The following EPHA6 variants were observed in gnomAD, a reference collection of about 807,000 sequenced individuals.
EPHA6 encodes ephrin type-A receptor 6.
Under a neutral mutation model 112.0 loss-of-function variants are expected in EPHA6, and 50 were observed. The ratio of observed to expected loss-of-function variants is 0.45; its 90% CI spans 0.36 to 0.56. The LOEUF is 0.56. Ranked by LOEUF, EPHA6 falls within the 20% of genes least tolerant of loss-of-function variation. The pLI, the probability that EPHA6 is intolerant of heterozygous loss-of-function variation, is 0.00. For missense variants in EPHA6, 1,280 were observed against 1,417.4 expected (o/e 0.90, Z 1.56); for synonymous variants, 529 against 490.7 (o/e 1.08, Z -1.03).
chr3:97,659,940 T>A (rs1183360466), intron 14 of EPHA6, among the ~76,000 whole-genome samples: 1 of 151,948 alleles, frequency 6.6e-6, no homozygotes, highest in Non-Finnish European at 1.5e-5. Flanking sequence ...CAGAAAGATA[T>A]AAGGCATTTT....
At chr3:97,190,226 A>C (rs571842200) in intron 3 of EPHA6, among the ~76,000 whole-genome samples, 1 of 152,108 alleles carries the variant, frequency 6.6e-6, no homozygotes, top group Non-Finnish European at 1.5e-5. Context: ...CACTGTTACC[A>C]CTTCAAAATT....
At chr3:97,695,954 A>G (rs1311728053) in intron 14 of EPHA6, among the ~76,000 whole-genome samples, 2 of 152,200 alleles carry the variant, frequency 1.3e-5, no homozygotes, top group East Asian at 3.8e-4. Context: ...TAAACTGATC[A>G]CTTTTCTTAT....
intron 5 of EPHA6, among the ~76,000 whole-genome samples, chr3:97,364,431 C>G (rs1577103074): frequency 6.7e-6 from 1 of 150,074 alleles, no homozygotes; most frequent in African/African-American, 2.5e-5. Flanking sequence ...GAAAGCAGGG[C>G]AAATTTGAGG....
Position 97,349,806 on chromosome 3 carries a change from G to A in EPHA6, c.1607-55344G>A, listed in dbSNP as rs564936772. Among the ~76,000 whole-genome samples, 128 of 152,064 alleles carry A rather than the reference G, an allele frequency of 8.4e-4. 1 individual carries two copies. The highest frequency in any genetic ancestry group is 2.1e-3 in the South Asian group (10 of 4,828). On this transcript the variant is annotated intron_variant, in intron 5 of 17. Transcript: ENST00000389672. ...GGAGTTTCTGATCATAGCATCATACGTATTAATCTTGGCCCCTCACAACTC... is the reference window on the plus strand; with the variant it reads ...GGAGTTTCTGATCATAGCATCATACATATTAATCTTGGCCCCTCACAACTC...
chr3:97,216,170 C>T (rs1046721226), intron 3 of EPHA6, among the ~76,000 whole-genome samples: 4 of 152,164 alleles, frequency 2.6e-5, no homozygotes, highest in South Asian at 2.1e-4. Context: ...GCATCTGCTT[C>T]TGGTGAGGGG....
chr3:97,392,576 T>C (rs2086472569), intron 5 of EPHA6, among the ~76,000 whole-genome samples: 1 of 151,810 alleles, frequency 6.6e-6, no homozygotes, highest in Non-Finnish European at 1.5e-5. Context: ...TGTATGCCTA[T>C]ATATACATAC....
rs2076020939 is a variant in EPHA6 at position 97,145,493 on chromosome 3, T to C, written c.1115-80771T>C. Among the ~76,000 whole-genome samples the C allele has an allele frequency of 3.3e-5, 5 of 151,496 alleles. No individual in the cohort carries two copies. The South Asian group carries it at 1.0e-3, about 31-fold the overall frequency. The stretch of plus-strand genomic sequence containing the variant: ...TTTATTTCTCTTGATTTTCCTAGTT[T>C]AAATTTTAAAATACCTTATTTACCT... On this transcript the variant is annotated intron_variant, in intron 3 of 17. Coordinates refer to ENST00000389672, the MANE Select transcript of EPHA6 (RefSeq NM_001080448.3).
chr3:96,936,586 G>A (rs1332667360), intron 2 of EPHA6, among the ~76,000 whole-genome samples: 1 of 150,568 alleles, frequency 6.6e-6, no homozygotes, highest in Non-Finnish European at 1.5e-5. Context: ...TTTTTTTGTT[G>A]ATGTTCTTTT....
intron 14 of EPHA6, among the ~76,000 whole-genome samples, chr3:97,714,233 T>G (rs1378652822): frequency 6.6e-6 from 1 of 152,132 alleles, no homozygotes; most frequent in Non-Finnish European, 1.5e-5. Flanking sequence ...CAGATAACAT[T>G]TACTGAGTGT....
chr3:97,004,012 T>C (rs1049570163), intron 3 of EPHA6, among the ~76,000 whole-genome samples: 1 of 152,132 alleles, frequency 6.6e-6, no homozygotes, highest in Admixed American at 6.6e-5. Context: ...ATGGTGTATA[T>C]AGATACCACG....
chr3:96,849,314 T>G (rs989985956), intron 1 of EPHA6, among the ~76,000 whole-genome samples: 8 of 152,146 alleles, frequency 5.3e-5, no homozygotes, highest in Admixed American at 2.0e-4. Context: ...TCATTAACAC[T>G]GTGGGAGTTT....
intron 12 of EPHA6, among the ~76,000 whole-genome samples, chr3:97,601,996 A>G (rs528234714): frequency 6.6e-6 from 1 of 152,162 alleles, no homozygotes; most frequent in South Asian, 2.1e-4. Flanking sequence ...CCACTGGAAA[A>G]TATGATGCTT....
chr3:97,596,553 T>C (rs1379987593), intron 12 of EPHA6, among the ~76,000 whole-genome samples: 4 of 152,066 alleles, frequency 2.6e-5, no homozygotes, highest in South Asian at 4.1e-4. Flanking sequence ...TCTGACATCA[T>C]ATGGTATCTT....
intron 3 of EPHA6, among the ~76,000 whole-genome samples, chr3:97,179,019 T>C (rs72922369): frequency 0.013 from 1,956 of 152,226 alleles, 46 homozygotes; most frequent in African/African-American, 0.043. Flanking sequence ...CTAGAGGCTA[T>C]TTTCTAGATT....
chr3:97,647,528 T>C lies in EPHA6; in HGVS notation c.2784+9446T>C, dbSNP rs540819279. On this transcript the variant is annotated intron_variant, in intron 14 of 17. Transcript: ENST00000389672. ...ACAAAAATAGGATTTAGATGAGAACTGAGGCCTTGTTTTTACATGCCAATT... is the reference window on the plus strand; with the variant it reads ...ACAAAAATAGGATTTAGATGAGAACCGAGGCCTTGTTTTTACATGCCAATT... 1.6e-3 allele frequency among the ~76,000 whole-genome samples: 250 copies of C among 152,284 alleles called. 1 individual carries two copies. The highest frequency in any genetic ancestry group is 3.2e-3 in the Non-Finnish European group (217 of 68,006).
chr3:97,302,267 GTTTTC>G (rs917946186), intron 5 of EPHA6, among the ~76,000 whole-genome samples: 1 of 151,808 alleles, frequency 6.6e-6, no homozygotes, highest in African/African-American at 2.4e-5. Context: ...TAGTATGATG[GTTTTC>G]TTTTATTTTT....
At chr3:97,382,814 C>A (rs1158840880) in intron 5 of EPHA6, among the ~76,000 whole-genome samples, 1 of 151,846 alleles carries the variant, frequency 6.6e-6, no homozygotes, top group Non-Finnish European at 1.5e-5. Context: ...CATCTAGGTT[C>A]AATTTTAGTA....
chr3:97,056,225 A>G (rs762416521), intron 3 of EPHA6, among the ~76,000 whole-genome samples: 16 of 152,136 alleles, frequency 1.1e-4, no homozygotes, highest in Admixed American at 2.0e-4. Context: ...TGGTGCTACT[A>G]TATAATCTAC....
chr3:97,590,819 A>G (rs1337920818), intron 11 of EPHA6, among the ~76,000 whole-genome samples: 2 of 152,190 alleles, frequency 1.3e-5, no homozygotes, highest in African/African-American at 4.8e-5. Context: ...TGCTGTATAA[A>G]TATATGATCA....
Sources: gnomAD v4.1 joint callset for allele counts (sites outside exome capture counted in the v4.1 genomes callset) on GRCh38, gnomAD v4.1.1 for gene constraint, MANE v1.5 for transcripts, NCBI Gene and HGNC (gene_info 2026-07-23, HGNC 2026-07-21) for gene names.